Variants in ABCB1 observed in about 807,000 individuals in gnomAD.
ABCB1 encodes the protein ATP-dependent translocase ABCB1.
Under a neutral mutation model 142.0 loss-of-function variants are expected in ABCB1, and 69 were observed. The observed-to-expected ratio is 0.49, with a 90% CI of 0.40 to 0.59. ABCB1 has a LOEUF of 0.59. Among genes scored for constraint, ABCB1 ranks in the 20% least tolerant of loss-of-function variants. The pLI is 0.00. For missense variants in ABCB1, 1,326 were observed against 1,554.7 expected (o/e 0.85, Z 2.47); for synonymous variants, 532 against 539.2 (o/e 0.99, Z 0.18).
intron 1 of ABCB1, 149 bp downstream of exon 1, chr7:87,600,606 C>T: frequency 3.8e-6 from 1 of 260,200 alleles, no homozygotes; most frequent in South Asian, 5.3e-5. Flanking sequence ...CTAGATCTAA[C>T]CCCACTTGGT....
At chr7:87,539,160 A>G (rs944143684) in intron 19 of ABCB1, 108 bp downstream of exon 19, 3 of 1,186,646 alleles carry the variant, frequency 2.5e-6, no homozygotes, top group African/African-American at 3.0e-5. Flanking sequence ...GGGACAACCA[A>G]TATAGGAGCT....
At chr7:87,604,014 A>G (rs1223526314), upstream of ABCB1, among the ~76,000 whole-genome samples, 13 of 152,166 alleles carry the variant, frequency 8.5e-5, no homozygotes. Flanking sequence ...ATTCTTTGCA[A>G]CTCATGTATG....
intron 21 of ABCB1, among the ~76,000 whole-genome samples, chr7:87,530,790 A>AAAGAAAGCAAGAAAGCAAGAAAGC (rs202065141): frequency 1.7e-5 from 2 of 118,260 alleles, no homozygotes; most frequent in African/African-American, 3.1e-5. Flanking sequence ...GAAAGAAAAG[A>AAAGAAAGCAAGAAAGCAAGAAAGC]AAGAAAGCAA....
At position 87,503,973 on chromosome 7, in the gene ABCB1, T is replaced by C. The variant is rs201435801; in HGVS notation, c.*270A>G. The C allele has an allele frequency of 4.0e-6, 2 of 499,692 alleles. No homozygotes were observed. Among genetic ancestry groups the C allele is most frequent in the Non-Finnish European group, 7.1e-6 (2 of 279,968 alleles). 31.0% of individuals were successfully genotyped at this position (499,692 alleles called of 1,614,324 possible). A position where few individuals can be genotyped will look rare whatever the true frequency, so the allele number is the denominator to read the frequency against. ...GTCAGTTACAGTCCAAATGGGAAAA[T>C]ATAAACAAAATTACACATTTTATCT... is the stretch of plus-strand genomic sequence containing the variant. On this transcript the variant is annotated 3_prime_UTR_variant, in exon 28 of 28. Coordinates refer to ENST00000622132, the MANE Select transcript of ABCB1 (RefSeq NM_001348946.2).
chr7:87,554,514 G>A (rs1316420503), intron 8 of ABCB1, among the ~76,000 whole-genome samples: 1 of 152,148 alleles, frequency 6.6e-6, no homozygotes, highest in Non-Finnish European at 1.5e-5. Flanking sequence ...ATTTAAATAA[G>A]CTGTACAATT....
At position 87,566,962 on chromosome 7, in the gene ABCB1, T is replaced by C; in HGVS notation, c.353A>G (p.Tyr118Cys). 1 of 1,614,122 alleles carries C rather than the reference T, an allele frequency of 6.2e-7. No homozygotes were observed. Among genetic ancestry groups the C allele is most frequent in the Non-Finnish European group, 8.5e-7 (1 of 1,179,964 alleles). The change falls in exon 6 of 28, where the codon TAC becomes TGC. Residue 118 changes from tyrosine (Y) to cysteine (C), a missense_variant. Transcript: ENST00000622132. ...CAGCACCCCAGCACCAATTCCACTG[T>C]AATAATAGGCATACCTGAAAAACAA... is the stretch of plus-strand genomic sequence containing the variant. Reference protein sequence around the residue: ...EEDMTRYAYYYSGIGAGVLVA... With the variant: ...EEDMTRYAYYCSGIGAGVLVA...
intron 1 of ABCB1, among the ~76,000 whole-genome samples, chr7:87,699,613 C>G (rs1300418732): frequency 6.6e-6 from 1 of 152,218 alleles, no homozygotes; most frequent in African/African-American, 2.4e-5. Flanking sequence ...ACCATGTTGG[C>G]CAGGCTGGCC....
At chr7:87,635,261 C>A (rs1295743587) in intron 1 of ABCB1, among the ~76,000 whole-genome samples, 1 of 152,046 alleles carries the variant, frequency 6.6e-6, no homozygotes, top group African/African-American at 2.4e-5. Flanking sequence ...CTGCTTTTAC[C>A]CAGTTGTATA....
intron 1 of ABCB1, among the ~76,000 whole-genome samples, chr7:87,626,351 A>G (rs182716575): frequency 0.024 from 729 of 30,794 alleles, 299 homozygotes; most frequent in Admixed American, 0.045. Context: ...TGTGTCATAT[A>G]TATGTGTCAT....
chr7:87,553,778 T>C lies in ABCB1; in HGVS notation c.982A>G (p.Ile328Val). Residue 328 changes from isoleucine to valine, a missense_variant, in exon 9 of 28, where the codon ATT (isoleucine) becomes GTT (valine). Ile to Val is a conservative substitution (Grantham distance 29, BLOSUM62 3). Transcript: ENST00000622132. ...CCACTTACAGTGAGTACTTGTCCAA[T>C]AGAATATTCCCCTGAGAGGACCAAG... Reference protein sequence around the residue: ...TTLVLSGEYSIGQVLTVFFSV... With the variant: ...TTLVLSGEYSVGQVLTVFFSV... The C allele has an allele frequency of 1.9e-6, 3 of 1,614,080 alleles. No homozygotes were observed. Among genetic ancestry groups the C allele is most frequent in the Non-Finnish European group, 1.7e-6 (2 of 1,179,950 alleles).
At chr7:87,567,390 C>T (rs981660828) in intron 5 of ABCB1, among the ~76,000 whole-genome samples, 1 of 152,208 alleles carries the variant, frequency 6.6e-6, no homozygotes, top group Non-Finnish European at 1.5e-5. Context: ...GGAATCACAG[C>T]ATCAGGTAAG....
intron 1 of ABCB1, chr7:87,629,002 C>T (rs1040436652): frequency 2.0e-5 from 26 of 1,290,362 alleles, no homozygotes; most frequent in Non-Finnish European, 2.6e-5. Context: ...GAGCTCTGGG[C>T]TTCCGCGCGG....
chr7:87,702,236 A>G (rs1829150293), intron 1 of ABCB1, among the ~76,000 whole-genome samples: 1 of 135,512 alleles, frequency 7.4e-6, no homozygotes, highest in African/African-American at 2.7e-5. Context: ...AAAATGTGTT[A>G]TTTATGTTAA....
At chr7:87,598,086 A>G (rs989754813) in intron 2 of ABCB1, among the ~76,000 whole-genome samples, 6 of 152,194 alleles carry the variant, frequency 3.9e-5, no homozygotes, top group African/African-American at 1.4e-4. Context: ...AATGTAAAAT[A>G]CACATCAAAC....
chr7:87,506,078 C>T (rs778848413), intron 26 of ABCB1, 35 bp from the exon 27 acceptor site: 4 of 1,606,532 alleles, frequency 2.5e-6, no homozygotes, highest in Non-Finnish European at 3.4e-6. Flanking sequence ...GAAAGTAGAA[C>T]TGAAAGTAAA....
At chr7:87,594,464 G>T (rs1292198661) in intron 3 of ABCB1, among the ~76,000 whole-genome samples, 1 of 152,116 alleles carries the variant, frequency 6.6e-6, no homozygotes, top group East Asian at 1.9e-4. Flanking sequence ...TATATAGTAG[G>T]TCTGTTAAAT....
chr7:87,599,479 G>A (rs1458737824), intron 2 of ABCB1, among the ~76,000 whole-genome samples: 1 of 152,130 alleles, frequency 6.6e-6, no homozygotes, highest in Non-Finnish European at 1.5e-5. Flanking sequence ...GCAGCATATG[G>A]CTCACGTGTG....
At chr7:87,623,502 G>A (rs1372526028) in intron 1 of ABCB1, among the ~76,000 whole-genome samples, 2 of 152,142 alleles carry the variant, frequency 1.3e-5, no homozygotes, top group South Asian at 2.1e-4. Context: ...CCCTATTAAT[G>A]AGCACGCTTC....
At chr7:87,542,083 G>A (rs533256305) in intron 17 of ABCB1, among the ~76,000 whole-genome samples, 1 of 152,080 alleles carries the variant, frequency 6.6e-6, no homozygotes, top group Non-Finnish European at 1.5e-5. Context: ...CATTCCTCAG[G>A]GAAAGAAAAC....
Sources: allele counts gnomAD v4.1 joint callset (sites outside exome capture counted in the v4.1 genomes callset), GRCh38; gene constraint gnomAD v4.1.1; transcripts MANE v1.5; gene names NCBI Gene and HGNC (gene_info 2026-07-23, HGNC 2026-07-21).